ACOT11: variants seen among roughly 807,000 people sequenced by gnomAD.
ACOT11 encodes the protein acyl-CoA thioesterase 11.
Under a neutral mutation model 77.5 loss-of-function variants are expected in ACOT11, and 69 were observed. The observed-to-expected ratio is 0.89, with a 90% confidence interval of 0.73 to 1.09. The LOEUF is 1.09. ACOT11 is among the 50% of genes least tolerant of loss of function. The pLI is 0.00. For missense variants in ACOT11, 766 were observed against 813.7 expected, an observed-to-expected ratio of 0.94 and a Z score of 0.71; for synonymous variants, 279 against 313.0, an observed-to-expected ratio of 0.89 and a Z score of 1.15.
In ACOT11 at chr1:54,601,374, C is replaced by T. The variant is rs1359700723; in HGVS notation, c.990C>T (p.Asp330=). Residue 330 remains aspartate (D), a synonymous_variant, in exon 9 of 16, where the codon GAC becomes GAT. Transcript: ENST00000343744. ...CCTTTGTGGTCCTGGACGCAGATGACCAGCCCCAGTTGCTGCCCTGGATTC... is the reference window on the plus strand; with the variant it reads ...CCTTTGTGGTCCTGGACGCAGATGATCAGCCCCAGTTGCTGCCCTGGATTC... The part of the protein sequence containing the change: ...FMTFVVLDAD[D]QPQLLPWIRP... 6.2e-7 allele frequency: 1 copy of T among 1,613,540 alleles called. No individual in the cohort carries two copies. The highest frequency in any genetic ancestry group is 8.5e-7 in the Non-Finnish European group (1 of 1,179,984).
chr1:54,570,127 A>G (rs1653882354), intron 1 of ACOT11, among the ~76,000 whole-genome samples: 1 of 152,162 alleles, frequency 6.6e-6, no homozygotes, highest in Non-Finnish European at 1.5e-5. Context: ...TTCTATTCCA[A>G]TAATCCATTT....
At position 54,609,925 on chromosome 1, in the gene ACOT11, G is replaced by T. The variant is rs770712371; in HGVS notation, c.*813G>T. On this transcript the variant is annotated 3_prime_UTR_variant, in exon 16 of 16. Transcript: ENST00000343744. The stretch of plus-strand genomic sequence containing the variant: ...TTCCCTCGAGGCCAGTGTTCAGCAG[G>T]ATCATGCCTTCTGTGTCTGGAAGAG... 6 of 1,605,974 alleles carry T rather than the reference G, an allele frequency of 3.7e-6. No individual in the cohort carries two copies. Among genetic ancestry groups the T allele is most frequent in the Non-Finnish European group, 5.1e-6 (6 of 1,178,858 alleles).
Position 54,584,608 on chromosome 1 carries a change from C to T in ACOT11, c.34-47C>T. The T allele has an allele frequency of 6.4e-7, 1 of 1,568,294 alleles. No homozygotes were observed. On this transcript the variant is annotated intron_variant, in intron 1 of 15. Coordinates refer to ENST00000343744, the MANE Select transcript of ACOT11 (RefSeq NM_147161.4). The surrounding 1 kb of genome is among the most constrained non-coding windows in gnomAD (Gnocchi z 6.3). Reference sequence around the variant, plus strand: ...GGCTGGACAGACCTGGGAGACCCTGCAGCAAGCAGACCTCTCTGTCCCCAC... The same window carrying T: ...GGCTGGACAGACCTGGGAGACCCTGTAGCAAGCAGACCTCTCTGTCCCCAC...
chr1:54,617,502 C>G (rs1159042870), intron 15 of ACOT11, among the ~76,000 whole-genome samples: 2 of 150,760 alleles, frequency 1.3e-5, no homozygotes, highest in Non-Finnish European at 2.9e-5. Context: ...ACCCATTGCT[C>G]TAAACTTGAA....
intron 3 of ACOT11, among the ~76,000 whole-genome samples, chr1:54,586,343 G>A (rs565183621): frequency 2.6e-4 from 40 of 152,178 alleles, no homozygotes; most frequent in Non-Finnish European, 4.9e-4. Flanking sequence ...TGGCAAAGTC[G>A]GAGCCAGAAG....
At chr1:54,632,383 C>T (rs2101034618) in intron 16 of ACOT11, among the ~76,000 whole-genome samples, 1 of 152,348 alleles carries the variant, frequency 6.6e-6, no homozygotes, top group South Asian at 2.1e-4. Context: ...AGGGTCCCAA[C>T]AGGAGTCTGT....
chr1:54,593,758 C>T (rs1654795485), intron 4 of ACOT11, among the ~76,000 whole-genome samples, 183 bp from the exon 5 acceptor site: 1 of 152,084 alleles, frequency 6.6e-6, no homozygotes, highest in Non-Finnish European at 1.5e-5. Flanking sequence ...CAAGGTTTCC[C>T]GGGGACCCAA....
chr1:54,575,625 C>T (rs1654086613), intron 1 of ACOT11, among the ~76,000 whole-genome samples: 1 of 152,202 alleles, frequency 6.6e-6, no homozygotes, highest in African/African-American at 2.4e-5. Context: ...CCCCTCTGGG[C>T]CCTGGAGATA....
chr1:54,552,372 C>T (rs1008006512), intron 1 of ACOT11, among the ~76,000 whole-genome samples: 8 of 152,088 alleles, frequency 5.3e-5, no homozygotes, highest in Admixed American at 5.2e-4. Flanking sequence ...CTGAGGTGGT[C>T]CTAGAAGGCT....
chr1:54,609,942 C>T lies in ACOT11; in HGVS notation c.*830C>T. ...TTCAGCAGGATCATGCCTTCTGTGT[C>T]TGGAAGAGGCGGCAGAGGCAACAGT... On this transcript the variant is annotated 3_prime_UTR_variant, in exon 16 of 16. Transcript: ENST00000343744. The T allele has an allele frequency of 6.2e-7, 1 of 1,600,722 alleles. No individual in the cohort carries two copies. The highest frequency in any genetic ancestry group is 8.5e-7 in the Non-Finnish European group (1 of 1,176,954).
At chr1:54,611,525 C>G (rs1389742876), downstream of ACOT11, 11 of 1,475,730 alleles carry the variant, frequency 7.5e-6, no homozygotes, top group African/African-American at 1.5e-4. Flanking sequence ...ATCCCTTCCA[C>G]CCAGCTCTGC....
chr1:54,559,601 T>C (rs1263195382), intron 1 of ACOT11, among the ~76,000 whole-genome samples: 1 of 152,104 alleles, frequency 6.6e-6, no homozygotes, highest in African/African-American at 2.4e-5. Context: ...TTCTTTTTTT[T>C]TTTTTCCATC....
intron 1 of ACOT11, among the ~76,000 whole-genome samples, chr1:54,578,665 C>T (rs1654196462): frequency 6.6e-6 from 1 of 151,958 alleles, no homozygotes; most frequent in Admixed American, 6.6e-5. Flanking sequence ...TTTATTATGA[C>T]CTCTATCCAG....
Position 54,630,293 on chromosome 1 carries a change from A to G in ACOT11, c.1630-441A>G, listed in dbSNP as rs867180147. Among the ~76,000 whole-genome samples, 4 of 79,492 alleles carry G rather than the reference A, an allele frequency of 5.0e-5. 1 individual carries two copies. The highest frequency in any genetic ancestry group is 4.6e-4 in the East Asian group (1 of 2,182). The allele number at this position is 79,492 out of a possible 152,430, so 52.1% of individuals were successfully genotyped here. A position where few individuals can be genotyped will look rare whatever the true frequency, so the allele number is the denominator to read the frequency against. On this transcript the variant is annotated intron_variant, in intron 15 of 16. Transcript: ENST00000371316. ...CTTTGGGAGGCCTAGGTGGGTTTGG[A>G]GCAAGCCCCCCACAGTCTGGCCATA...
chr1:54,548,428 C>CAGAGCA, intron 1 of ACOT11, 86 bp downstream of exon 1: 1 of 1,455,892 alleles, frequency 6.9e-7, no homozygotes, highest in Non-Finnish European at 9.3e-7. Flanking sequence ...AACTCAGACG[C>CAGAGCA]TCTGCATCTC....
intron 1 of ACOT11, among the ~76,000 whole-genome samples, chr1:54,578,411 A>G (rs1654189081): frequency 6.6e-6 from 1 of 152,196 alleles, no homozygotes; most frequent in Non-Finnish European, 1.5e-5. Flanking sequence ...GAAAAGCATC[A>G]CACTACTTGA....
Position 54,592,559 on chromosome 1 carries a change from G to C in ACOT11, c.325G>C (p.Val109Leu). 6.2e-7 allele frequency: 1 copy of C among 1,613,004 alleles called. No homozygotes were observed. Among genetic ancestry groups the C allele is most frequent in the Non-Finnish European group, 8.5e-7 (1 of 1,179,518 alleles). Reference protein sequence around the residue: ...FEHTISVGQVVNIKAKVNRAF... With the variant: ...FEHTISVGQVLNIKAKVNRAF... ...TCCTCTCCCCAGTGTTGGACAAGTG[G>C]TGAATATCAAGGCCAAGGTGAACCG... The change falls in exon 4 of 16, where the codon GTG becomes CTG. Residue 109 changes from valine to leucine, a missense_variant. Coordinates refer to ENST00000343744, the MANE Select transcript of ACOT11 (RefSeq NM_147161.4).
chr1:54,588,509 G>A (rs917838652), intron 3 of ACOT11, among the ~76,000 whole-genome samples: 2 of 152,158 alleles, frequency 1.3e-5, no homozygotes, highest in African/African-American at 4.8e-5. Flanking sequence ...TACCAGGCAG[G>A]CAATCTGGGC....
chr1:54,581,506 G>A (rs925511356), intron 1 of ACOT11, among the ~76,000 whole-genome samples: 2 of 152,160 alleles, frequency 1.3e-5, no homozygotes, highest in African/African-American at 4.8e-5. Context: ...CCCTGACCCT[G>A]CAGGTCTGTG....
Sources: gnomAD v4.1 joint callset for allele counts (sites outside exome capture counted in the v4.1 genomes callset) on GRCh38, gnomAD v4.1.1 for gene constraint, Gnocchi (gnomAD v3.1) non-coding constraint, MANE v1.5 for transcripts, NCBI Gene and HGNC (gene_info 2026-07-23, HGNC 2026-07-21) for gene names.